The following GFRAL variants were observed in gnomAD, a reference collection of about 807,000 sequenced individuals.
GFRAL encodes the protein GDNF family receptor alpha like, also known as GDNF family receptor alpha-like.
Under a neutral mutation model 45.4 loss-of-function variants are expected in GFRAL, and 36 were observed. The observed-to-expected ratio is 0.79, with a 90% CI of 0.61 to 1.05. GFRAL has a LOEUF of 1.05. GFRAL is among the 50% of genes least tolerant of loss of function. GFRAL has a pLI of 0.00. For synonymous variants in GFRAL, 166 were observed against 154.1 expected (o/e 1.08, Z -0.57); for missense variants, 507 against 467.5 (o/e 1.08, Z -0.78).
intron 5 of GFRAL, among the ~76,000 whole-genome samples, chr6:55,355,237 C>T (rs1003549313): frequency 4.6e-5 from 7 of 150,980 alleles, no homozygotes; most frequent in South Asian, 2.1e-4. Flanking sequence ...GAGTCGGGGG[C>T]GAGGGGAGGG....
Position 55,370,585 on chromosome 6 carries a change from C to A in GFRAL, c.952+11447C>A, listed in dbSNP as rs183917221. Among the ~76,000 whole-genome samples the A allele has an allele frequency of 7.9e-5, 12 of 152,244 alleles. No homozygotes were observed. The East Asian group carries it at 2.3e-3, about 29-fold the overall frequency. On this transcript the variant is annotated intron_variant, in intron 6 of 8. Transcript: ENST00000340465. Reference sequence around the variant, plus strand: ...TCATCTTAGTACATTTTTCTTGATACACACATGCAAGATAATTCTCTAGGG... The same window carrying A: ...TCATCTTAGTACATTTTTCTTGATAAACACATGCAAGATAATTCTCTAGGG...
chr6:55,384,365 T>C (rs1487020304), intron 6 of GFRAL, among the ~76,000 whole-genome samples: 1 of 152,012 alleles, frequency 6.6e-6, no homozygotes, highest in Admixed American at 6.6e-5. Flanking sequence ...TAATTAAAAA[T>C]AAACTATTAC....
chr6:55,379,105 G>A (rs1012582439), intron 6 of GFRAL, among the ~76,000 whole-genome samples: 6 of 151,992 alleles, frequency 3.9e-5, no homozygotes, highest in African/African-American at 1.2e-4. Flanking sequence ...AGTGTATAAA[G>A]TGACTATTAA....
intron 6 of GFRAL, among the ~76,000 whole-genome samples, chr6:55,389,649 A>G (rs936525431): frequency 2.0e-5 from 3 of 152,212 alleles, no homozygotes; most frequent in African/African-American, 7.2e-5. Context: ...TACAAATTTT[A>G]GAGCAAGGTC....
At chr6:55,367,891 A>G (rs572662474) in intron 6 of GFRAL, among the ~76,000 whole-genome samples, 2 of 150,104 alleles carry the variant, frequency 1.3e-5, no homozygotes, top group South Asian at 2.1e-4. Flanking sequence ...CCTTCATTTC[A>G]ACTTTGGTGA....
intron 6 of GFRAL, among the ~76,000 whole-genome samples, chr6:55,380,006 T>C (rs2127362919): frequency 6.6e-6 from 1 of 152,136 alleles, no homozygotes; most frequent in African/African-American, 2.4e-5. Context: ...GGTTGAATAG[T>C]ATTGCATTGT....
intron 3 of GFRAL, among the ~76,000 whole-genome samples, chr6:55,347,363 C>T (rs1443677570): frequency 6.6e-6 from 1 of 151,978 alleles, no homozygotes; most frequent in Non-Finnish European, 1.5e-5. Context: ...GTTGGAGTGT[C>T]GGTGAAGGTC....
intron 6 of GFRAL, among the ~76,000 whole-genome samples, chr6:55,397,083 G>T (rs1200849922): frequency 2.6e-5 from 4 of 151,942 alleles, no homozygotes; most frequent in African/African-American, 9.7e-5. Flanking sequence ...TGCTATGTTG[G>T]CCAGGCTGGC....
At chr6:55,332,851 ATAAAG>A (rs201288832) in intron 2 of GFRAL, among the ~76,000 whole-genome samples, 1,988 of 152,294 alleles carry the variant, frequency 0.013, 23 homozygotes, top group Non-Finnish European at 0.022. Flanking sequence ...TACAAATAGA[ATAAAG>A]TAAATAGAAT....
chr6:55,353,147 C>T (rs1303967035), intron 5 of GFRAL, among the ~76,000 whole-genome samples: 1 of 151,836 alleles, frequency 6.6e-6, no homozygotes, highest in Non-Finnish European at 1.5e-5. Context: ...TGTGAACAGG[C>T]CTATATCATA....
chr6:55,380,352 C>G (rs1768591880), intron 6 of GFRAL, among the ~76,000 whole-genome samples: 1 of 151,852 alleles, frequency 6.6e-6, no homozygotes, highest in Non-Finnish European at 1.5e-5. Context: ...AAAGACAAGC[C>G]CAAACTATTG....
intron 6 of GFRAL, among the ~76,000 whole-genome samples, chr6:55,373,216 C>G (rs1768476264): frequency 6.6e-6 from 1 of 152,036 alleles, no homozygotes. Context: ...GAACCTGAAT[C>G]AGATATCTGT....
At chr6:55,388,174 A>T (rs76606959) in intron 6 of GFRAL, among the ~76,000 whole-genome samples, 9,775 of 152,268 alleles carry the variant, frequency 0.064, 509 homozygotes, top group African/African-American at 0.14. Context: ...CTACTTCTGC[A>T]TTAGCACCTG....
intron 3 of GFRAL, among the ~76,000 whole-genome samples, chr6:55,342,488 A>G (rs1767981879): frequency 6.6e-6 from 1 of 152,140 alleles, no homozygotes; most frequent in African/African-American, 2.4e-5. Flanking sequence ...AGATTTTGTC[A>G]CCACTAGGCC....
intron 6 of GFRAL, among the ~76,000 whole-genome samples, chr6:55,383,996 A>G (rs961297154): frequency 1.3e-5 from 2 of 152,062 alleles, no homozygotes; most frequent in Middle Eastern, 3.2e-3. Flanking sequence ...CCTTTGAGAT[A>G]CCATCCCGAT....
chr6:55,381,504 GAAGGTCTGGGTTTAAAAAT>G (rs1377155550), intron 6 of GFRAL, among the ~76,000 whole-genome samples: 1 of 151,872 alleles, frequency 6.6e-6, no homozygotes, highest in East Asian at 1.9e-4. Flanking sequence ...TACTCCCAGT[GAAGGTCTGGGTTTAAAAAT>G]AACATTCCAT....
chr6:55,364,193 G>C (rs1046767716), intron 6 of GFRAL, among the ~76,000 whole-genome samples: 1 of 151,136 alleles, frequency 6.6e-6, no homozygotes, highest in Non-Finnish European at 1.5e-5. Context: ...GGCCAGTGAT[G>C]ATGAGCATTT....
intron 4 of GFRAL, among the ~76,000 whole-genome samples, chr6:55,350,766 C>T (rs931793731): frequency 1.3e-5 from 2 of 152,016 alleles, no homozygotes; most frequent in African/African-American, 2.4e-5. Context: ...TATTTGGCAC[C>T]AACTGTTTTT....
intron 3 of GFRAL, among the ~76,000 whole-genome samples, chr6:55,337,763 T>C (rs928686275): frequency 1.4e-4 from 22 of 152,180 alleles, no homozygotes; most frequent in African/African-American, 5.1e-4. Context: ...TTAATATCTG[T>C]AGCAGTTGCA....
Sources: gnomAD v4.1 joint callset for allele counts (sites outside exome capture counted in the v4.1 genomes callset) on GRCh38, gnomAD v4.1.1 for gene constraint, MANE v1.5 for transcripts, NCBI Gene and HGNC (gene_info 2026-07-23, HGNC 2026-07-21) for gene names.